The following ESR2 variants were observed in gnomAD, a reference collection of about 807,000 sequenced individuals.
ESR2 encodes estrogen receptor 2, also known as estrogen receptor beta.
A neutral mutation model predicts 49.6 loss-of-function variants in ESR2; 36 were observed. The ratio of observed to expected loss-of-function variants is 0.73; its 90% CI spans 0.56 to 0.96. The LOEUF is 0.96. Among genes scored for constraint, ESR2 ranks in the 40% least tolerant of loss-of-function variants. The pLI, the probability that ESR2 is intolerant of heterozygous loss-of-function variation, is 0.00. For missense variants in ESR2, 714 were observed against 693.0 expected (o/e 1.03, Z -0.34); for synonymous variants, 320 against 266.1 (o/e 1.20, Z -1.97).
intron 6 of ESR2, among the ~76,000 whole-genome samples, chr14:64,250,194 T>C (rs1366576524): frequency 2.0e-5 from 3 of 152,164 alleles, no homozygotes; most frequent in Non-Finnish European, 4.4e-5. Flanking sequence ...ACTTAGAAAC[T>C]TGTGTAGCAA....
chr14:64,325,481 G>A (rs897589389), intron 1 of ESR2, among the ~76,000 whole-genome samples: 2 of 152,158 alleles, frequency 1.3e-5, no homozygotes, highest in Admixed American at 6.5e-5. Context: ...AAAAGGTTTA[G>A]GATGTGATGT....
At chr14:64,316,451 TC>T (rs1213095395) in intron 1 of ESR2, among the ~76,000 whole-genome samples, 1 of 152,112 alleles carries the variant, frequency 6.6e-6, no homozygotes, top group African/African-American at 2.4e-5. Flanking sequence ...AGAGAATACT[TC>T]TAAATTCATT....
intron 5 of ESR2, among the ~76,000 whole-genome samples, chr14:64,257,994 A>G (rs1409443708): frequency 6.6e-6 from 1 of 152,108 alleles, no homozygotes; most frequent in African/African-American, 2.4e-5. Flanking sequence ...AGGTGGGTGG[A>G]TTGCCTGCAC....
chr14:64,272,914 G>A (rs1049891873), intron 3 of ESR2, among the ~76,000 whole-genome samples: 1 of 152,042 alleles, frequency 6.6e-6, no homozygotes. Context: ...AATATCATTG[G>A]TATTTTGATA....
chr14:64,299,097 A>G (rs760394924), upstream of ESR2, among the ~76,000 whole-genome samples: 3 of 151,746 alleles, frequency 2.0e-5, no homozygotes, highest in Non-Finnish European at 4.4e-5. Flanking sequence ...GCTTCCTTAC[A>G]TTTTCTGGCT....
At chr14:64,254,387 G>A (rs1054339659) in intron 6 of ESR2, among the ~76,000 whole-genome samples, 1 of 152,024 alleles carries the variant, frequency 6.6e-6, no homozygotes, top group Non-Finnish European at 1.5e-5. Flanking sequence ...TATAAGAGAG[G>A]ACTAAGTAAC....
intron 6 of ESR2, among the ~76,000 whole-genome samples, chr14:64,256,672 T>C (rs1555575249): frequency 6.6e-6 from 1 of 151,756 alleles, no homozygotes; most frequent in South Asian, 2.1e-4. Context: ...GAGGTTGCAG[T>C]GAGCCAAGAT....
In ESR2 at chr14:64,282,679, G is replaced by T. The variant is rs2076699006; in HGVS notation, c.307C>A (p.Gln103Lys). The T allele has an allele frequency of 6.2e-7, 1 of 1,613,158 alleles. No individual in the cohort carries two copies. The highest frequency in any genetic ancestry group is 1.1e-5 in the South Asian group (1 of 91,080). Residue 103 changes from glutamine (Q) to lysine (K), a missense_variant, in exon 2 of 9, where the codon CAA becomes AAA. Physicochemically the swap from Gln to Lys is moderately conservative, Grantham distance 53 (BLOSUM62 1). Transcript: ENST00000341099. Reference sequence around the variant, plus strand: ...CTTGCTTCACACCAGGGACTCTTTTGAGGTTCCGCATACAGATGTGATAAC... The same window carrying T: ...CTTGCTTCACACCAGGGACTCTTTTTAGGTTCCGCATACAGATGTGATAAC... ...RQLSHLYAEP[Q>K]KSPWCEARSL...
intron 1 of ESR2, among the ~76,000 whole-genome samples, chr14:64,302,469 G>A (rs1430806248): frequency 6.6e-6 from 1 of 152,008 alleles, no homozygotes; most frequent in East Asian, 1.9e-4. Context: ...TTACAGGTGT[G>A]AGGCACCGCG....
rs566387187 is a variant in ESR2, at chr14:64,254,709, G to C, written c.1091+2517C>G. 2.4e-4 allele frequency among the ~76,000 whole-genome samples: 37 copies of C among 151,876 alleles called. 1 individual carries two copies. Among genetic ancestry groups the C allele is most frequent in the Admixed American group, 7.9e-4 (12 of 15,242 alleles). On this transcript the variant is annotated intron_variant, in intron 6 of 8. Coordinates refer to ENST00000341099, the MANE Select transcript of ESR2 (RefSeq NM_001437.3). Reference sequence around the variant, plus strand: ...GGAGGCGGAGATTGCAGTGAGCTGAGATCATGCCATCGTATTCCAGCCTGG... The same window carrying C: ...GGAGGCGGAGATTGCAGTGAGCTGACATCATGCCATCGTATTCCAGCCTGG...
intron 1 of ESR2, among the ~76,000 whole-genome samples, chr14:64,321,506 T>C (rs909815394): frequency 6.6e-6 from 1 of 152,088 alleles, no homozygotes; most frequent in Non-Finnish European, 1.5e-5. Context: ...CACATTTAAG[T>C]GAGGCTACCT....
intron 1 of ESR2, among the ~76,000 whole-genome samples, chr14:64,305,227 C>T (rs1216374774): frequency 6.9e-6 from 1 of 145,398 alleles, no homozygotes; most frequent in Non-Finnish European, 1.5e-5. Context: ...GGAGGCAGAG[C>T]TTGCACTGAG....
At chr14:64,272,909 CAT>C (rs1221262057) in intron 3 of ESR2, among the ~76,000 whole-genome samples, 3 of 152,004 alleles carry the variant, frequency 2.0e-5, no homozygotes, top group Non-Finnish European at 2.9e-5. Flanking sequence ...GTGAAAATAT[CAT>C]TGGTATTTTG....
intron 8 of ESR2, chr14:64,233,607 T>C (rs1316964931): frequency 1.8e-5 from 7 of 384,186 alleles, no homozygotes; most frequent in Non-Finnish European, 3.4e-5. Context: ...TTCCGTAAAG[T>C]CACTGTGAAC....
intron 5 of ESR2, among the ~76,000 whole-genome samples, chr14:64,257,735 C>T (rs890918666): frequency 2.7e-4 from 34 of 127,356 alleles, no homozygotes; most frequent in African/African-American, 9.9e-4. Context: ...TGACTGGGAT[C>T]AGAAGGGGTG....
chr14:64,315,378 C>T (rs1393830840), intron 1 of ESR2, among the ~76,000 whole-genome samples: 1 of 151,722 alleles, frequency 6.6e-6, no homozygotes, highest in Non-Finnish European at 1.5e-5. Context: ...ACTCTACACA[C>T]ATAAACTGGA....
At chr14:64,247,620 A>G (rs143394299) in intron 7 of ESR2, among the ~76,000 whole-genome samples, 8,095 of 152,308 alleles carry the variant, frequency 0.053, 293 homozygotes, top group Non-Finnish European at 0.08. Context: ...TCAGGTGAAC[A>G]TTAAAACCTG....
chr14:64,271,808 T>C (rs1476914534), intron 3 of ESR2, among the ~76,000 whole-genome samples: 1 of 152,246 alleles, frequency 6.6e-6, no homozygotes, highest in Non-Finnish European at 1.5e-5. Flanking sequence ...CACCTGTGGA[T>C]GGACACTTAG....
At chr14:64,234,819 G>A (rs2098730865) in intron 8 of ESR2, 151 bp downstream of exon 8, 1 of 1,439,240 alleles carries the variant, frequency 6.9e-7, no homozygotes, top group East Asian at 2.5e-5. Context: ...GCCCATCTTT[G>A]CTTACAGGTG....
Sources: gnomAD v4.1 joint callset for allele counts (sites outside exome capture counted in the v4.1 genomes callset) on GRCh38, gnomAD v4.1.1 for gene constraint, MANE v1.5 for transcripts, NCBI Gene and HGNC (gene_info 2026-07-23, HGNC 2026-07-21) for gene names.